Variants in MTARC1 observed in about 807,000 individuals in gnomAD.
MTARC1 encodes the protein mitochondrial amidoxime-reducing component 1.
A neutral mutation model predicts 33.6 loss-of-function variants in MTARC1; 24 were observed. The observed-to-expected ratio is 0.72, with a 90% CI of 0.52 to 1.01. The LOEUF (loss-of-function observed/expected upper bound fraction) is 1.01, where lower values mean the gene tolerates loss of function less well. Among genes scored for constraint, MTARC1 ranks in the 50% least tolerant of loss-of-function variants. The probability of loss-of-function intolerance (pLI) is 0.00; values close to 1 mark genes in which losing one functional copy is unlikely to be tolerated. For synonymous variants in MTARC1, 187 were observed against 189.5 expected (o/e 0.99, Z 0.11); for missense variants, 417 against 445.7 (o/e 0.94, Z 0.58).
intron 6 of MTARC1, among the ~76,000 whole-genome samples, chr1:220,812,376 A>G (rs1673161651): frequency 2.0e-5 from 3 of 152,256 alleles, no homozygotes; most frequent in African/African-American, 7.2e-5. Context: ...CCAGAACACA[A>G]TTAAAACAGT....
chr1:220,798,240 T>C (rs1447390297), intron 4 of MTARC1: 2 of 1,454,836 alleles, frequency 1.4e-6, no homozygotes, highest in Non-Finnish European at 9.1e-7. Flanking sequence ...GGCAGTTCAG[T>C]ATCTAAGGCT....
At chr1:220,798,615 G>C in intron 4 of MTARC1, 1 of 976,662 alleles carries the variant, frequency 1.0e-6, no homozygotes, top group Non-Finnish European at 1.2e-6. Flanking sequence ...ATGGCCTTTG[G>C]CTATTTAACT....
At chr1:220,795,142 C>T (rs986532924) in intron 2 of MTARC1, among the ~76,000 whole-genome samples, 1 of 152,160 alleles carries the variant, frequency 6.6e-6, no homozygotes, top group African/African-American at 2.4e-5. Context: ...AGTAACTATA[C>T]AAAGATAGCT....
intron 6 of MTARC1, chr1:220,808,886 T>C (rs1331391916): frequency 1.1e-5 from 5 of 471,000 alleles, no homozygotes; most frequent in Non-Finnish European, 2.2e-5. Flanking sequence ...CTGATCCCCA[T>C]GGTTGAAGGA....
At chr1:220,787,917 A>G (rs1672290862) in intron 1 of MTARC1, among the ~76,000 whole-genome samples, 1 of 152,178 alleles carries the variant, frequency 6.6e-6, no homozygotes, top group Non-Finnish European at 1.5e-5. Flanking sequence ...CTGAGGCAGG[A>G]GAATAGCTTG....
At chr1:220,798,314 G>T in intron 4 of MTARC1, 1 of 1,273,654 alleles carries the variant, frequency 7.9e-7, no homozygotes, top group Non-Finnish European at 1.0e-6. Context: ...TAGACTACAT[G>T]ATCTGTGTGG....
chr1:220,815,082 A>G lies in MTARC1; in HGVS notation c.*1664A>G, dbSNP rs1404459798. ...TGGCATGAGGTGAATAATTACATCA[A>G]TTTTCCAGAGAACCTGGGCCATCAC... On this transcript the variant is annotated 3_prime_UTR_variant, in exon 7 of 7. Coordinates refer to ENST00000366910, the MANE Select transcript of MTARC1 (RefSeq NM_022746.4). 1 of 152,232 alleles carries G rather than the reference A, an allele frequency of 6.6e-6. No individual in the cohort carries two copies. 9.4% of individuals were successfully genotyped at this position (152,232 alleles called of 1,614,324 possible).
rs1018999144 is a variant in MTARC1, at chr1:220,816,439, G to A, written c.*3021G>A. The A allele has an allele frequency of 3.3e-5, 5 of 152,134 alleles. No homozygotes were observed. Among genetic ancestry groups the A allele is most frequent in the African/African-American group, 1.2e-4 (5 of 41,424 alleles). 9.4% of individuals were successfully genotyped at this position (152,134 alleles called of 1,614,324 possible). On this transcript the variant is annotated 3_prime_UTR_variant, in exon 7 of 7. Coordinates refer to ENST00000366910, the MANE Select transcript of MTARC1 (RefSeq NM_022746.4). ...ACACTGCATTTCCCGTGTTTTATTGGTCCATGGAATTCTGAAAGTTTGCCT... is the reference window on the plus strand; with the variant it reads ...ACACTGCATTTCCCGTGTTTTATTGATCCATGGAATTCTGAAAGTTTGCCT...
chr1:220,810,402 G>T (rs1301539746), intron 6 of MTARC1, among the ~76,000 whole-genome samples: 2 of 152,164 alleles, frequency 1.3e-5, no homozygotes, highest in African/African-American at 4.8e-5. Context: ...GCAGGAGGCG[G>T]TGAGAGCCCG....
intron 6 of MTARC1, among the ~76,000 whole-genome samples, chr1:220,812,881 C>T (rs1190875068): frequency 3.3e-5 from 5 of 152,098 alleles, no homozygotes; most frequent in Non-Finnish European, 7.4e-5. Context: ...CCTGCCACCA[C>T]TCCTGGCTAA....
chr1:220,812,547 C>A (rs1360303381), intron 6 of MTARC1, among the ~76,000 whole-genome samples: 2 of 152,130 alleles, frequency 1.3e-5, no homozygotes, highest in African/African-American at 4.8e-5. Context: ...ACAGGAAGAA[C>A]CTTGGAACTC....
chr1:220,805,222 G>T lies in MTARC1; in HGVS notation c.835G>T (p.Asp279Tyr). The stretch of plus-strand genomic sequence containing the variant: ...GTCCAGATGCATTTTAACCACAGTG[G>T]ACCCAGACACCGGTGTCATGAGCAG... Reference protein sequence around the residue: ...ACSRCILTTVDPDTGVMSRKE... With the variant: ...ACSRCILTTVYPDTGVMSRKE... The change falls in exon 6 of 7, where the codon GAC becomes TAC. Residue 279 changes from aspartate (D) to tyrosine (Y), a missense_variant. By Grantham distance (160) the Asp-to-Tyr change is radical. Coordinates refer to ENST00000366910, the MANE Select transcript of MTARC1 (RefSeq NM_022746.4). The T allele has an allele frequency of 6.2e-7, 1 of 1,613,902 alleles. No individual in the cohort carries two copies. The highest frequency in any genetic ancestry group is 1.3e-5 in the African/African-American group (1 of 75,002).
chr1:220,789,849 A>C (rs746610251), intron 1 of MTARC1, among the ~76,000 whole-genome samples: 24 of 152,244 alleles, frequency 1.6e-4, no homozygotes, highest in Non-Finnish European at 2.9e-4. Context: ...ATTATATGAA[A>C]TGTCTAGTGG....
Position 220,816,773 on chromosome 1 carries a change from C to G in MTARC1, c.*3355C>G, listed in dbSNP as rs1673290187. The G allele has an allele frequency of 6.6e-6, 1 of 152,358 alleles. No individual in the cohort carries two copies. The highest frequency in any genetic ancestry group is 6.5e-5 in the Admixed American group (1 of 15,288). The allele number at this position is 152,358 out of a possible 1,614,324, so 9.4% of individuals were successfully genotyped here. On this transcript the variant is annotated 3_prime_UTR_variant, in exon 7 of 7. Coordinates refer to ENST00000366910, the MANE Select transcript of MTARC1 (RefSeq NM_022746.4). ...TGGGACACTTCCCCTTGTCCTCTCCCTTGCCCCTCTTGCTGGAGTAAAAGG... is the reference window on the plus strand; with the variant it reads ...TGGGACACTTCCCCTTGTCCTCTCCGTTGCCCCTCTTGCTGGAGTAAAAGG...
chr1:220,788,923 A>G (rs1271378383), intron 1 of MTARC1, among the ~76,000 whole-genome samples: 1 of 152,174 alleles, frequency 6.6e-6, no homozygotes, highest in African/African-American at 2.4e-5. Context: ...TTGAGCTCAT[A>G]TTACAATAGA....
rs771067063 is a variant in MTARC1, at chr1:220,813,294, A to G, written c.890A>G (p.Tyr297Cys). 3.1e-6 allele frequency: 5 copies of G among 1,614,068 alleles called. No homozygotes were observed. The Admixed American group carries it at 6.7e-5, about 22-fold the overall frequency. Residue 297 changes from tyrosine to cysteine, a missense_variant and splice_region_variant, in exon 7 of 7, where the codon TAT (tyrosine) becomes TGT (cysteine). Tyr to Cys is a radical substitution (Grantham distance 194, BLOSUM62 -2). Transcript: ENST00000366910. Reference protein sequence around the residue: ...RKEPLETLKSYRQCDPSERKL... With the variant: ...RKEPLETLKSCRQCDPSERKL... ...ATCATGATCTTTTCCTATTGCAGTT[A>G]TCGCCAGTGTGACCCTTCAGAACGA...
intron 5 of MTARC1, 26 bp downstream of exon 5, chr1:220,805,139 G>T: frequency 6.2e-7 from 1 of 1,614,066 alleles, no homozygotes; most frequent in Non-Finnish European, 8.5e-7. Flanking sequence ...GTCCCTGTGG[G>T]GTGGAGGTGG....
chr1:220,797,841 C>T, intron 3 of MTARC1, 33 bp from the exon 4 acceptor site: 1 of 1,607,932 alleles, frequency 6.2e-7, no homozygotes, highest in Non-Finnish European at 8.5e-7. Context: ...GTTGGTGTGC[C>T]ATGTGTTATA....
rs985068522 is a variant in MTARC1, at chr1:220,815,194, C to G, written c.*1776C>G. The G allele has an allele frequency of 6.6e-6, 1 of 152,204 alleles. No homozygotes were observed. The highest frequency in any genetic ancestry group is 2.1e-4 in the South Asian group (1 of 4,838). The allele number at this position is 152,204 out of a possible 1,614,324, so 9.4% of individuals were successfully genotyped here. A position where few individuals can be genotyped will look rare whatever the true frequency, so the allele number is the denominator to read the frequency against. On this transcript the variant is annotated 3_prime_UTR_variant, in exon 7 of 7. Coordinates refer to ENST00000366910, the MANE Select transcript of MTARC1 (RefSeq NM_022746.4). The stretch of plus-strand genomic sequence containing the variant: ...CAGCAAGTAGCATTACTAATGGGAC[C>G]GGGGGACCCGTGGGAGAGTGAGTGT...
Sources: gnomAD v4.1 joint callset for allele counts (sites outside exome capture counted in the v4.1 genomes callset) on GRCh38, gnomAD v4.1.1 for gene constraint, MANE v1.5 for transcripts, NCBI Gene and HGNC (gene_info 2026-07-23, HGNC 2026-07-21) for gene names.